The following THADA variants were observed in gnomAD, a reference collection of about 807,000 sequenced individuals.
THADA encodes tRNA (32-2'-O)-methyltransferase regulator THADA.
Under a neutral mutation model 219.8 loss-of-function variants are expected in THADA, and 213 were observed. The ratio of observed to expected loss-of-function variants is 0.97; its 90% CI spans 0.87 to 1.09. The LOEUF (loss-of-function observed/expected upper bound fraction) is 1.09, where lower values mean the gene tolerates loss of function less well. Among genes scored for constraint, THADA ranks in the 50% least tolerant of loss-of-function variants. THADA has a pLI of 0.00. For synonymous variants in THADA, 1,018 were observed against 828.9 expected (o/e 1.23, Z -3.92); for missense variants, 2,956 against 2,311.3 (o/e 1.28, Z -5.72).
intron 30 of THADA, among the ~76,000 whole-genome samples, chr2:43,336,915 G>A (rs1039177022): frequency 1.3e-5 from 2 of 152,244 alleles, no homozygotes; most frequent in Non-Finnish European, 2.9e-5. Flanking sequence ...CTCATCAAGG[G>A]AGGATGGCTG....
rs1362930814 is a variant in THADA at position 43,585,977 on chromosome 2, G to T, written c.533+424C>A. Among the ~76,000 whole-genome samples, 9 of 152,032 alleles carry T rather than the reference G, an allele frequency of 5.9e-5. No homozygotes were observed. The South Asian group carries it at 6.2e-4, about 11-fold the overall frequency. On this transcript the variant is annotated intron_variant, in intron 7 of 37. Coordinates refer to ENST00000405975, the MANE Select transcript of THADA (RefSeq NM_022065.5). ...AATAATTGGGTCTAATATTAATGGA[G>T]AAAGGGGCTGGGCATAGTGACTAAC...
intron 28 of THADA, among the ~76,000 whole-genome samples, chr2:43,406,354 C>T (rs1472685040): frequency 6.6e-6 from 1 of 152,200 alleles, no homozygotes; most frequent in Non-Finnish European, 1.5e-5. Context: ...TGAAAAGATG[C>T]ATAATTTCTG....
chr2:43,513,771 A>G (rs959761482), intron 22 of THADA, among the ~76,000 whole-genome samples: 3 of 152,212 alleles, frequency 2.0e-5, no homozygotes, highest in African/African-American at 7.2e-5. Context: ...ATTAAGAAAG[A>G]CAACCTAAAA....
intron 29 of THADA, among the ~76,000 whole-genome samples, chr2:43,374,672 A>C (rs1351496529): frequency 3.9e-5 from 6 of 152,226 alleles, no homozygotes; most frequent in African/African-American, 1.4e-4. Context: ...GGATACAAAC[A>C]AATGGAATGG....
intron 30 of THADA, among the ~76,000 whole-genome samples, chr2:43,323,482 A>T (rs2104471924): frequency 6.6e-6 from 1 of 152,264 alleles, no homozygotes; most frequent in East Asian, 1.9e-4. Context: ...TAAAAACTTC[A>T]TTGATATCAT....
intron 24 of THADA, among the ~76,000 whole-genome samples, chr2:43,503,032 T>A (rs1180989174): frequency 4.6e-5 from 7 of 152,186 alleles, no homozygotes; most frequent in African/African-American, 1.7e-4. Flanking sequence ...AAACACCATT[T>A]CACACTAAGC....
Position 43,560,358 on chromosome 2 carries a change from C to T in THADA, c.2339G>A (p.Ser780Asn). The change falls in exon 16 of 38, where the codon AGT (serine) becomes AAT (asparagine). Residue 780 changes from serine (S) to asparagine (N), a missense_variant. Ser to Asn is a conservative substitution (Grantham distance 46). Transcript: ENST00000405975. ...EGRIYTVYQL[S>N]HDIDVGRFQT... ...GAAACGACCAACATCAATATCATGA[C>T]TCAGCTGATATACTGTATAAATTCT... 3.1e-6 allele frequency: 5 copies of T among 1,610,306 alleles called. No homozygotes were observed. The highest frequency in any genetic ancestry group is 4.2e-6 in the Non-Finnish European group (5 of 1,177,886).
intron 31 of THADA, among the ~76,000 whole-genome samples, chr2:43,318,661 C>T (rs1678350660): frequency 2.0e-5 from 3 of 152,172 alleles, no homozygotes; most frequent in Non-Finnish European, 4.4e-5. Context: ...CCTGTCCTCA[C>T]ATCTTACTCT....
chr2:43,320,533 G>A lies in THADA; in HGVS notation c.4351C>T (p.Pro1451Ser), dbSNP rs17334247. ...AKLWLAKRQN[P>S]CLVTRAVYID... ...TATACAGCTCTGGTCACCAAACATG[G>A]ATTTTGCCTAGAAAGGTAAAGAACA... is the stretch of plus-strand genomic sequence containing the variant. Residue 1451 changes from proline (P) to serine (S), a missense_variant, in exon 31 of 38, where the codon CCA (proline) becomes TCA (serine). Pro to Ser is a moderately conservative substitution (Grantham distance 74). Transcript: ENST00000405975. 0.011 allele frequency: 17,410 copies of A among 1,611,318 alleles called. 133 individuals are homozygous for A. Among genetic ancestry groups the A allele is most frequent in the South Asian group, 0.016 (1,464 of 90,544 alleles).
chr2:43,531,076 G>A (rs1693807162), intron 21 of THADA, among the ~76,000 whole-genome samples: 1 of 152,166 alleles, frequency 6.6e-6, no homozygotes, highest in Non-Finnish European at 1.5e-5. Context: ...TAATGCTGTG[G>A]TAGATAGAAA....
chr2:43,430,601 T>G (rs1178978625), intron 26 of THADA: 2 of 471,210 alleles, frequency 4.2e-6, no homozygotes, highest in East Asian at 1.3e-4. Flanking sequence ...ATGCCAAGTT[T>G]CCACAACTGA....
intron 36 of THADA, among the ~76,000 whole-genome samples, chr2:43,262,118 G>A (rs1671029482): frequency 6.6e-6 from 1 of 152,220 alleles, no homozygotes; most frequent in South Asian, 2.1e-4. Context: ...AGAGCTGGAT[G>A]TGTTTCCTTC....
chr2:43,242,440 G>C (rs1348998387), intron 36 of THADA, among the ~76,000 whole-genome samples: 4 of 152,140 alleles, frequency 2.6e-5, no homozygotes, highest in African/African-American at 7.2e-5. Flanking sequence ...GGTAGGGCCA[G>C]ATACAAATCC....
intron 26 of THADA, among the ~76,000 whole-genome samples, chr2:43,480,105 C>T (rs888331914): frequency 6.6e-6 from 1 of 152,226 alleles, no homozygotes; most frequent in Non-Finnish European, 1.5e-5. Context: ...ACAGCATGTG[C>T]TCTGCAGATG....
chr2:43,549,466 C>G (rs1215240474), intron 19 of THADA, 98 bp from the exon 20 acceptor site: 2 of 1,224,474 alleles, frequency 1.6e-6, no homozygotes, highest in South Asian at 1.5e-5. Context: ...ATTTTCAATA[C>G]TTAATAATCA....
chr2:43,307,352 T>C (rs1009286148), intron 31 of THADA, among the ~76,000 whole-genome samples: 8 of 151,730 alleles, frequency 5.3e-5, no homozygotes, highest in African/African-American at 1.9e-4. Context: ...CAAATCTGTA[T>C]AGTGAGAGAG....
chr2:43,549,422 T>C, intron 19 of THADA, 54 bp from the exon 20 acceptor site: 5 of 1,526,028 alleles, frequency 3.3e-6, no homozygotes, highest in South Asian at 2.6e-5. Context: ...ACATGCCAGA[T>C]TTCCCTTGGG....
chr2:43,357,557 G>A (rs565438769), intron 29 of THADA, among the ~76,000 whole-genome samples: 1 of 152,174 alleles, frequency 6.6e-6, no homozygotes, highest in Non-Finnish European at 1.5e-5. Context: ...ATGAGCAAAG[G>A]TGTAGATGCT....
chr2:43,390,210 G>A (rs1393242449), intron 29 of THADA, among the ~76,000 whole-genome samples: 2 of 152,202 alleles, frequency 1.3e-5, no homozygotes, highest in African/African-American at 4.8e-5. Context: ...GATTCCAGAA[G>A]AAAAGGGTTT....
Sources: allele counts gnomAD v4.1 joint callset (sites outside exome capture counted in the v4.1 genomes callset), GRCh38; gene constraint gnomAD v4.1.1; transcripts MANE v1.5; gene names NCBI Gene and HGNC (gene_info 2026-07-23, HGNC 2026-07-21).